HSPA12A: variants seen among roughly 807,000 people sequenced by gnomAD.
HSPA12A encodes heat shock protein family A (Hsp70) member 12A, also known as heat shock 70 kDa protein 12A.
A neutral mutation model predicts 69.2 loss-of-function variants in HSPA12A; 28 were observed. The observed-to-expected ratio is 0.40, with a 90% CI of 0.30 to 0.55. The LOEUF is 0.55. Ranked by LOEUF, HSPA12A falls within the 20% of genes least tolerant of loss-of-function variation. The pLI is 0.38. For synonymous variants in HSPA12A, 345 were observed against 370.5 expected (o/e 0.93, Z 0.79); for missense variants, 686 against 900.7 (o/e 0.76, Z 3.05).
intron 1 of HSPA12A, among the ~76,000 whole-genome samples, chr10:116,707,827 T>A (rs1554882694): frequency 6.6e-6 from 1 of 152,004 alleles, no homozygotes; most frequent in Non-Finnish European, 1.5e-5. Flanking sequence ...ATGCACCAGC[T>A]CCTCCCTCCC....
Position 116,825,165 on chromosome 10 carries a change from T to A in HSPA12A, c.91+9770A>T, listed in dbSNP as rs945097864. ...TTGCACCACTCTACTCTAGTCTGGG[T>A]GGCAGGGTGAGACCTTGTCTCAAAA... On this transcript the variant is annotated intron_variant, in intron 2 of 12. Coordinates refer to the HSPA12A transcript ENST00000635765. Among the ~76,000 whole-genome samples, 5 of 143,776 alleles carry A rather than the reference T, an allele frequency of 3.5e-5. No individual in the cohort carries two copies. In the Admixed American group the frequency reaches 3.5e-4, roughly 10 times the overall value. The allele number at this position is 143,776 out of a possible 152,430, so 94.3% of individuals were successfully genotyped here. A position where few individuals can be genotyped will look rare whatever the true frequency, so the allele number is the denominator to read the frequency against.
chr10:116,753,176 T>TATGCTGGC (rs1392118542), intron 2 of HSPA12A, among the ~76,000 whole-genome samples: 1 of 152,206 alleles, frequency 6.6e-6, no homozygotes, highest in African/African-American at 2.4e-5. Flanking sequence ...GGCATGCTGG[T>TATGCTGGC]ATGCTGGCAC....
At chr10:116,812,579 G>C (rs1305252637) in intron 2 of HSPA12A, among the ~76,000 whole-genome samples, 1 of 152,038 alleles carries the variant, frequency 6.6e-6, no homozygotes, top group African/African-American at 2.4e-5. Context: ...CAACCACTGA[G>C]ACCAGCAAGG....
intron 11 of HSPA12A, 125 bp downstream of exon 11, chr10:116,676,274 C>G: frequency 1.3e-6 from 1 of 751,722 alleles, no homozygotes; most frequent in Non-Finnish European, 2.3e-6. Flanking sequence ...TCCTGCAGGG[C>G]CCTTGCCTGT....
intron 2 of HSPA12A, among the ~76,000 whole-genome samples, chr10:116,799,413 G>C (rs1165354134): frequency 6.6e-6 from 1 of 152,192 alleles, no homozygotes; most frequent in African/African-American, 2.4e-5. Flanking sequence ...GGAGACGTGG[G>C]TTCACATTCC....
chr10:116,808,372 G>A (rs1014685635), intron 2 of HSPA12A, among the ~76,000 whole-genome samples: 13 of 152,160 alleles, frequency 8.5e-5, no homozygotes, highest in African/African-American at 3.1e-4. Context: ...CAAGCTGGGT[G>A]ACATCACTTC....
upstream of HSPA12A, among the ~76,000 whole-genome samples, chr10:116,745,255 G>C (rs1168450435): frequency 6.6e-6 from 1 of 152,242 alleles, no homozygotes; most frequent in Admixed American, 6.5e-5. Context: ...ATGCTTGACT[G>C]GCTGAATCAG....
At chr10:116,784,769 C>A (rs1476063678) in intron 2 of HSPA12A, among the ~76,000 whole-genome samples, 1 of 152,124 alleles carries the variant, frequency 6.6e-6, no homozygotes, top group East Asian at 1.9e-4. Context: ...GTCAATGAAT[C>A]CCTTCCCTGG....
chr10:116,815,467 C>T (rs1018286868), intron 2 of HSPA12A, among the ~76,000 whole-genome samples: 6 of 151,946 alleles, frequency 3.9e-5, no homozygotes, highest in African/African-American at 1.5e-4. Flanking sequence ...CCCAGCTACT[C>T]AGGAGGCTGA....
At chr10:116,750,367 C>T (rs1851747151) in intron 2 of HSPA12A, 1 of 728,752 alleles carries the variant, frequency 1.4e-6, no homozygotes, top group Non-Finnish European at 2.5e-6. Flanking sequence ...CTACTTCTGG[C>T]AATAAAGTCT....
In HSPA12A at chr10:116,675,202, G is replaced by C; in HGVS notation, c.1607C>G (p.Thr536Ser). Reference sequence around the variant, plus strand: ...GCGGTTCAGCACGCCTACCCCGTAGGTGAGCGGCGACCGGCGCACCTTGAT... The same window carrying C: ...GCGGTTCAGCACGCCTACCCCGTAGCTGAGCGGCGACCGGCGCACCTTGAT... ...AVIKVRRSPL[T>S]YGVGVLNRYV... The change falls in exon 12 of 12, where the codon ACC (threonine) becomes AGC (serine). Residue 536 changes from threonine to serine, a missense_variant. By Grantham distance (58) the Thr-to-Ser change is moderately conservative (BLOSUM62 1). Coordinates refer to ENST00000369209, the MANE Select transcript of HSPA12A (RefSeq NM_025015.3). This position sits in a 1 kb window ranked among gnomAD's most constrained non-coding sequence, Gnocchi z 5.2. The C allele has an allele frequency of 6.2e-7, 1 of 1,613,764 alleles. No individual in the cohort carries two copies. Among genetic ancestry groups the C allele is most frequent in the Non-Finnish European group, 8.5e-7 (1 of 1,180,030 alleles).
At position 116,675,449 on chromosome 10, in the gene HSPA12A, G is replaced by C. The variant is rs1316329810; in HGVS notation, c.1391-31C>G. On this transcript the variant is annotated intron_variant, in intron 11 of 11. Transcript: ENST00000369209. This position sits in a 1 kb window ranked among gnomAD's most constrained non-coding sequence, Gnocchi z 5.2. The stretch of plus-strand genomic sequence containing the variant: ...AGGGAAGAGGCAGGGAGAATGTCCT[G>C]TCACCAAAAGCCAGCAAGGAAGGGG... 4 of 1,522,634 alleles carry C rather than the reference G, an allele frequency of 2.6e-6. No homozygotes were observed. The highest frequency in any genetic ancestry group is 3.5e-6 in the Non-Finnish European group (4 of 1,134,784). The allele number at this position is 1,522,634 out of a possible 1,614,324, so 94.3% of individuals were successfully genotyped here. A position where few individuals can be genotyped will look rare whatever the true frequency, so the allele number is the denominator to read the frequency against.
At chr10:116,707,776 G>A (rs1850304206) in intron 1 of HSPA12A, among the ~76,000 whole-genome samples, 1 of 152,184 alleles carries the variant, frequency 6.6e-6, no homozygotes, top group Non-Finnish European at 1.5e-5. Context: ...TAGGAATGTA[G>A]GATGTGATGA....
intron 9 of HSPA12A, among the ~76,000 whole-genome samples, chr10:116,680,767 G>A (rs1849378330): frequency 6.6e-6 from 1 of 152,222 alleles, no homozygotes; most frequent in South Asian, 2.1e-4. Flanking sequence ...TTACAGGCGT[G>A]AGCCACCGCA....
intron 5 of HSPA12A, among the ~76,000 whole-genome samples, chr10:116,695,033 T>C (rs922722588): frequency 6.6e-6 from 1 of 151,892 alleles, no homozygotes; most frequent in Admixed American, 6.6e-5. Flanking sequence ...GGTGGAATAC[T>C]GTTTGCCCAG....
intron 4 of HSPA12A, 21 bp from the exon 5 acceptor site, chr10:116,698,760 A>AATAGTAAGAAGATGACACAGG: frequency 6.4e-7 from 1 of 1,574,080 alleles, no homozygotes; most frequent in Non-Finnish European, 8.7e-7. Flanking sequence ...GAAGAGGAAC[A>AATAGTAAGAAGATGACACAGG]ATAGTAAGAA....
At chr10:116,676,580 C>T (rs900271159) in intron 10 of HSPA12A, 78 bp from the exon 11 acceptor site, 1 of 1,112,468 alleles carries the variant, frequency 9.0e-7, no homozygotes, top group Admixed American at 1.8e-5. Flanking sequence ...AGACACCTGC[C>T]CTGGCAGAAC....
intron 1 of HSPA12A, among the ~76,000 whole-genome samples, chr10:116,840,962 G>A (rs539502703): frequency 1.8e-4 from 27 of 152,212 alleles, no homozygotes; most frequent in East Asian, 7.7e-4. Context: ...TGGTAGCTCC[G>A]GTAAAGGCAG....
chr10:116,780,949 A>G (rs1844450070), intron 2 of HSPA12A, among the ~76,000 whole-genome samples: 1 of 152,226 alleles, frequency 6.6e-6, no homozygotes, highest in African/African-American at 2.4e-5. Flanking sequence ...TGCCTATTCA[A>G]GTTCACTGAC....
Sources: allele counts gnomAD v4.1 joint callset (sites outside exome capture counted in the v4.1 genomes callset), GRCh38; gene constraint gnomAD v4.1.1; non-coding constraint Gnocchi (gnomAD v3.1); transcripts MANE v1.5; gene names NCBI Gene and HGNC (gene_info 2026-07-23, HGNC 2026-07-21).